Variants in MCPH1 observed in about 807,000 individuals in gnomAD.
MCPH1 encodes the protein microcephalin 1, also known as microcephalin.
In MCPH1, 104 loss-of-function variants were observed where a neutral mutation model predicts 84.5. That is an observed-to-expected ratio of 1.23 (90% CI 1.05 to 1.45). MCPH1 has a LOEUF of 1.45. MCPH1 is among the 40% of genes most tolerant of loss of function. MCPH1 has a pLI of 0.00. For synonymous variants in MCPH1, 514 were observed against 366.8 expected (o/e 1.40, Z -4.58); for missense variants, 1,498 against 1,005.7 (o/e 1.49, Z -6.62).
At chr8:6,505,415 A>T (rs188793998) in intron 12 of MCPH1, among the ~76,000 whole-genome samples, 1 of 67,362 alleles carries the variant, frequency 1.5e-5, no homozygotes, top group African/African-American at 5.3e-5. Context: ...TATATTCTTT[A>T]TATACATAAA....
chr8:6,473,992 C>T lies in MCPH1; in HGVS notation c.1936-3602C>T, dbSNP rs968623710. The T allele has an allele frequency of 1.9e-5, 19 of 978,724 alleles. No individual in the cohort carries two copies. In the African/African-American group the frequency reaches 2.7e-4, roughly 14 times the overall value. The allele number at this position is 978,724 out of a possible 1,614,324, so 60.6% of individuals were successfully genotyped here. A position where few individuals can be genotyped will look rare whatever the true frequency, so the allele number is the denominator to read the frequency against. On this transcript the variant is annotated intron_variant, in intron 9 of 13. Coordinates refer to ENST00000344683, the MANE Select transcript of MCPH1 (RefSeq NM_024596.5). ...CTTCTTCATAAAGAACTTGGAAAAT[C>T]TCACACTGAATATTGTCTTTTAGTT...
chr8:6,582,482 A>G (rs953381225), intron 12 of MCPH1, among the ~76,000 whole-genome samples: 4 of 152,184 alleles, frequency 2.6e-5, no homozygotes, highest in African/African-American at 9.7e-5. Context: ...ACAGAATCGG[A>G]TTAATTAGAG....
intron 3 of MCPH1, among the ~76,000 whole-genome samples, chr8:6,428,108 C>T (rs1475898296): frequency 1.3e-5 from 2 of 151,854 alleles, no homozygotes; most frequent in Non-Finnish European, 2.9e-5. Flanking sequence ...TTTATTTGGC[C>T]TTACTATAGC....
chr8:6,462,729 C>G (rs1806419328), intron 9 of MCPH1, among the ~76,000 whole-genome samples: 1 of 152,154 alleles, frequency 6.6e-6, no homozygotes, highest in Non-Finnish European at 1.5e-5. Context: ...GTGTATAAAA[C>G]AGGAATAATA....
At chr8:6,624,110 T>G (rs561677031) in intron 13 of MCPH1, among the ~76,000 whole-genome samples, 2 of 152,312 alleles carry the variant, frequency 1.3e-5, no homozygotes, top group South Asian at 2.1e-4. Flanking sequence ...CTTCCTCCGG[T>G]TGTTTTGCCG....
At chr8:6,456,591 G>A (rs575351352) in intron 9 of MCPH1, among the ~76,000 whole-genome samples, 3 of 151,882 alleles carry the variant, frequency 2.0e-5, no homozygotes, top group African/African-American at 7.3e-5. Flanking sequence ...CCCTCTGCCA[G>A]TGTCTGCCCA....
At chr8:6,496,102 G>A (rs1005758419) in intron 11 of MCPH1, among the ~76,000 whole-genome samples, 16 of 152,176 alleles carry the variant, frequency 1.1e-4, no homozygotes, top group Non-Finnish European at 2.4e-4. Context: ...ATATAATGAA[G>A]TAATTATACA....
intron 5 of MCPH1, among the ~76,000 whole-genome samples, chr8:6,436,367 C>G (rs1314992818): frequency 6.6e-6 from 1 of 152,234 alleles, no homozygotes; most frequent in Non-Finnish European, 1.5e-5. Context: ...GCTAATCGAC[C>G]ACAGTCTTAA....
At chr8:6,473,683 C>T (rs1369503639) in intron 9 of MCPH1, among the ~76,000 whole-genome samples, 1 of 152,152 alleles carries the variant, frequency 6.6e-6, no homozygotes, top group Non-Finnish European at 1.5e-5. Context: ...GTTTAGCTTT[C>T]TCATGGAGAA....
intron 11 of MCPH1, among the ~76,000 whole-genome samples, chr8:6,492,702 AAAAT>A (rs1018770696): frequency 5.2e-4 from 76 of 146,748 alleles, no homozygotes; most frequent in Non-Finnish European, 9.3e-4. Flanking sequence ...AATTTTTTTA[AAAAT>A]AAATATTTTA....
chr8:6,447,176 G>A (rs976772903), intron 8 of MCPH1: 8 of 985,248 alleles, frequency 8.1e-6, no homozygotes, highest in Admixed American at 6.2e-5. Context: ...CCCTTTTATA[G>A]TAATAAAGAT....
At chr8:6,570,550 A>G (rs998151062) in intron 12 of MCPH1, among the ~76,000 whole-genome samples, 3 of 152,094 alleles carry the variant, frequency 2.0e-5, no homozygotes, top group Admixed American at 2.0e-4. Flanking sequence ...CTCCACAGCC[A>G]AGGCCTTATC....
intron 12 of MCPH1, among the ~76,000 whole-genome samples, chr8:6,596,700 C>T (rs7844446): frequency 3.4e-4 from 51 of 152,204 alleles, no homozygotes; most frequent in African/African-American, 1.1e-3. Flanking sequence ...TTGCCGGAGA[C>T]CAGCACAGAT....
intron 9 of MCPH1, chr8:6,474,228 C>G: frequency 1.6e-6 from 1 of 629,294 alleles, no homozygotes; most frequent in East Asian, 2.7e-5. Context: ...TCATAGTCGT[C>G]ATACAATTGC....
At chr8:6,434,857 A>G (rs931382990) in intron 4 of MCPH1, among the ~76,000 whole-genome samples, 2 of 152,220 alleles carry the variant, frequency 1.3e-5, no homozygotes, top group Admixed American at 1.3e-4. Context: ...GGGTCCTATA[A>G]GAAAGAAGTC....
At chr8:6,430,478 T>G (rs1213134807) in intron 3 of MCPH1, among the ~76,000 whole-genome samples, 1 of 152,236 alleles carries the variant, frequency 6.6e-6, no homozygotes. Context: ...CAGGATGACA[T>G]TCACTACCCT....
chr8:6,519,735 T>C, intron 12 of MCPH1: 1 of 1,163,074 alleles, frequency 8.6e-7, no homozygotes, highest in South Asian at 2.3e-5. Context: ...AGCTGCCCAG[T>C]AACTATGGCT....
rs1044047837 is a variant in MCPH1 at position 6,515,227 on chromosome 8, G to A, written c.2214+15298G>A. Among the ~76,000 whole-genome samples the A allele has an allele frequency of 2.6e-5, 4 of 152,110 alleles. 1 individual carries two copies. The South Asian group carries it at 6.2e-4, about 24-fold the overall frequency. On this transcript the variant is annotated intron_variant, in intron 12 of 13. Coordinates refer to ENST00000344683, the MANE Select transcript of MCPH1 (RefSeq NM_024596.5). The stretch of plus-strand genomic sequence containing the variant: ...AAATGCCAGCCCCTGCCCCTCCACA[G>A]AGAGCTATGTGAAGGGGATACTCTT...
intron 12 of MCPH1, among the ~76,000 whole-genome samples, chr8:6,619,418 G>T (rs1831184947): frequency 6.6e-6 from 1 of 151,972 alleles, no homozygotes; most frequent in Non-Finnish European, 1.5e-5. Flanking sequence ...AGCCTCCCGA[G>T]TAGCTGGGAT....
Sources: gnomAD v4.1 joint callset for allele counts (sites outside exome capture counted in the v4.1 genomes callset) on GRCh38, gnomAD v4.1.1 for gene constraint, MANE v1.5 for transcripts, NCBI Gene and HGNC (gene_info 2026-07-23, HGNC 2026-07-21) for gene names.